PKIG: variants seen among roughly 807,000 people sequenced by gnomAD.
The protein encoded by PKIG is protein kinase (cAMP-dependent, catalytic) inhibitor gamma.
In PKIG, 1 loss-of-function variant was observed where a neutral mutation model predicts 6.8. The ratio of observed to expected loss-of-function variants is 0.15; its 90% CI spans 0.05 to 0.69. PKIG has a LOEUF of 0.69. PKIG is among the 30% of genes least tolerant of loss of function. The pLI, the probability that PKIG is intolerant of heterozygous loss-of-function variation, is 0.82. For synonymous variants in PKIG, 39 were observed against 43.0 expected (o/e 0.91, Z 0.36); for missense variants, 77 against 104.0 (o/e 0.74, Z 1.13).
intron 1 of PKIG, among the ~76,000 whole-genome samples, chr20:44,557,790 C>T (rs1472071265): frequency 6.6e-6 from 1 of 151,842 alleles, no homozygotes; most frequent in Non-Finnish European, 1.5e-5. Context: ...CGCCACTGCA[C>T]TCCAGCCTGG....
chr20:44,549,290 A>G (rs1001973697), intron 1 of PKIG, among the ~76,000 whole-genome samples: 1 of 152,228 alleles, frequency 6.6e-6, no homozygotes, highest in African/African-American at 2.4e-5. Flanking sequence ...ATACAGTTTT[A>G]TCTCAAAATG....
At chr20:44,553,627 T>C (rs930142435) in intron 1 of PKIG, among the ~76,000 whole-genome samples, 27 of 152,214 alleles carry the variant, frequency 1.8e-4, no homozygotes, top group African/African-American at 6.5e-4. Flanking sequence ...TTACTGATCA[T>C]CTGTGATATA....
chr20:44,544,552 G>A (rs954778787), intron 1 of PKIG, among the ~76,000 whole-genome samples: 3 of 152,186 alleles, frequency 2.0e-5, no homozygotes, highest in South Asian at 2.1e-4. Flanking sequence ...GTGGTCGCAC[G>A]TGTTGGCTCT....
chr20:44,552,758 A>T (rs1300179477), intron 1 of PKIG, among the ~76,000 whole-genome samples: 3 of 152,198 alleles, frequency 2.0e-5, no homozygotes, highest in African/African-American at 7.2e-5. Flanking sequence ...GTAGGTGCTC[A>T]TGAAGTAGTT....
At chr20:44,569,868 C>G (rs2064840546) in intron 1 of PKIG, among the ~76,000 whole-genome samples, 1 of 152,182 alleles carries the variant, frequency 6.6e-6, no homozygotes, top group Admixed American at 6.5e-5. Context: ...GTGGCTCACG[C>G]CTGTAATCCC....
At chr20:44,567,958 C>A (rs951084555) in intron 1 of PKIG, among the ~76,000 whole-genome samples, 3 of 152,106 alleles carry the variant, frequency 2.0e-5, no homozygotes, top group African/African-American at 7.2e-5. Flanking sequence ...TCAGCCTGGG[C>A]AACATGGTGA....
At chr20:44,541,889 A>G (rs1173104721) in intron 1 of PKIG, among the ~76,000 whole-genome samples, 1 of 152,014 alleles carries the variant, frequency 6.6e-6, no homozygotes, top group Non-Finnish European at 1.5e-5. Flanking sequence ...GAGTTTCACC[A>G]TGTTGGTCAG....
chr20:44,580,888 T>C (rs997701540), upstream of PKIG, among the ~76,000 whole-genome samples: 5 of 152,176 alleles, frequency 3.3e-5, no homozygotes, highest in Non-Finnish European at 7.3e-5. Context: ...CCCATCACCA[T>C]CAAAGTGGCA....
chr20:44,544,934 T>C, intron 1 of PKIG, among the ~76,000 whole-genome samples: 1 of 112,592 alleles, frequency 8.9e-6, no homozygotes, highest in African/African-American at 3.5e-5. Context: ...TCTTTTTTTT[T>C]TTTTTTTTTT....
At chr20:44,596,431 G>T (rs574551118) in intron 2 of PKIG, among the ~76,000 whole-genome samples, 13 of 152,146 alleles carry the variant, frequency 8.5e-5, no homozygotes, top group African/African-American at 2.2e-4. Flanking sequence ...CTGGAGGTGT[G>T]GGGGGAGGGC....
intron 2 of PKIG, among the ~76,000 whole-genome samples, chr20:44,598,223 C>T (rs1374496434): frequency 2.0e-5 from 3 of 152,160 alleles, no homozygotes; most frequent in Admixed American, 6.5e-5. Context: ...ATATGCAGCT[C>T]AATGCTCTAG....
At chr20:44,548,835 C>T (rs982385179) in intron 1 of PKIG, among the ~76,000 whole-genome samples, 1 of 147,806 alleles carries the variant, frequency 6.8e-6, no homozygotes, top group African/African-American at 2.5e-5. Flanking sequence ...GTAGGACATT[C>T]ATCCAGCCAC....
intron 1 of PKIG, among the ~76,000 whole-genome samples, chr20:44,533,678 T>G (rs1037737090): frequency 1.3e-5 from 2 of 150,776 alleles, no homozygotes; most frequent in African/African-American, 4.9e-5. Flanking sequence ...TCCAGAGAGG[T>G]TGACAAAAAA....
Position 44,610,462 on chromosome 20 carries a change from T to TTCTCTCTC in PKIG, c.-23-4056_-23-4049dup, listed in dbSNP as rs146920514. ...CTGATCCTCTTCTCTGTCTCTCTCT[T>TTCTCTCTC]TCTCTCTCTCTCTCTCTCTCTCTTC... On this transcript the variant is annotated intron_variant, in intron 2 of 3. Transcript: ENST00000372886. Among the ~76,000 whole-genome samples the TTCTCTCTC allele has an allele frequency of 1.1e-4, 13 of 123,340 alleles. No individual in the cohort carries two copies. The East Asian group carries it at 1.2e-3, about 11-fold the overall frequency. The allele number at this position is 123,340 out of a possible 152,430, so 80.9% of individuals were successfully genotyped here. A position where few individuals can be genotyped will look rare whatever the true frequency, so the allele number is the denominator to read the frequency against.
rs2065292541 is a variant in PKIG at position 44,618,548 on chromosome 20, C to T, written c.*184C>T. 8.8e-6 allele frequency: 5 copies of T among 565,438 alleles called. No individual in the cohort carries two copies. The highest frequency in any genetic ancestry group is 1.6e-5 in the Non-Finnish European group (5 of 313,866). The allele number at this position is 565,438 out of a possible 1,614,324, so 35.0% of individuals were successfully genotyped here. A position where few individuals can be genotyped will look rare whatever the true frequency, so the allele number is the denominator to read the frequency against. ...CGGGAAAGCCCTCTGCCCACACCCACAGGCTTCACATTCCCACCACCTTCG... is the reference window on the plus strand; with the variant it reads ...CGGGAAAGCCCTCTGCCCACACCCATAGGCTTCACATTCCCACCACCTTCG... On this transcript the variant is annotated 3_prime_UTR_variant, in exon 4 of 4. Coordinates refer to ENST00000372886, the MANE Select transcript of PKIG (RefSeq NM_001281445.2).
intron 2 of PKIG, among the ~76,000 whole-genome samples, chr20:44,611,708 A>G (rs2065220836): frequency 1.3e-5 from 2 of 150,012 alleles, no homozygotes; most frequent in Admixed American, 6.6e-5. Flanking sequence ...TTTAGTAGAG[A>G]GGGGGTTTCA....
intron 1 of PKIG, among the ~76,000 whole-genome samples, chr20:44,545,128 G>A (rs1298657672): frequency 6.6e-6 from 1 of 151,534 alleles, no homozygotes; most frequent in African/African-American, 2.4e-5. Context: ...TAGAGACAGG[G>A]TTTTGCCATG....
intron 1 of PKIG, among the ~76,000 whole-genome samples, chr20:44,539,899 A>G (rs941847117): frequency 1.3e-5 from 2 of 152,102 alleles, no homozygotes; most frequent in Non-Finnish European, 1.5e-5. Flanking sequence ...TAAAAAAGTC[A>G]TATCATTTGC....
intron 2 of PKIG, among the ~76,000 whole-genome samples, chr20:44,591,648 G>A (rs2065034688): frequency 1.3e-5 from 2 of 152,136 alleles, no homozygotes; most frequent in South Asian, 4.1e-4. Context: ...AAAGCAGAGT[G>A]TACAGGTTGC....
Sources: allele counts gnomAD v4.1 joint callset (sites outside exome capture counted in the v4.1 genomes callset), GRCh38; gene constraint gnomAD v4.1.1; transcripts MANE v1.5; gene names NCBI Gene and HGNC (gene_info 2026-07-23, HGNC 2026-07-21).